Variants in USP40 observed in about 807,000 individuals in gnomAD.
USP40 encodes ubiquitin specific peptidase 40.
Under a neutral mutation model 166.2 loss-of-function variants are expected in USP40, and 143 were observed. That is an observed-to-expected ratio of 0.86 (90% CI 0.75 to 0.99). USP40 has a LOEUF of 0.99. Among genes scored for constraint, USP40 ranks in the 50% least tolerant of loss-of-function variants. The probability of loss-of-function intolerance (pLI) is 0.00; values close to 1 mark genes in which losing one functional copy is unlikely to be tolerated. For synonymous variants in USP40, 498 were observed against 524.0 expected (o/e 0.95, Z 0.68); for missense variants, 1,444 against 1,479.7 (o/e 0.98, Z 0.40).
At chr2:233,563,499 C>T (rs73123150) in intron 2 of USP40, among the ~76,000 whole-genome samples, 1,981 of 152,244 alleles carry the variant, frequency 0.013, 41 homozygotes, top group African/African-American at 0.045. Flanking sequence ...TATTGCTACC[C>T]TAGTGCTTAC....
At chr2:233,533,830 T>C (rs1004225191) in intron 10 of USP40, 51 bp from the exon 11 acceptor site, 1 of 1,437,936 alleles carries the variant, frequency 7.0e-7, no homozygotes, top group East Asian at 2.5e-5. Flanking sequence ...AAACAAAAAT[T>C]AGATGTGATT....
chr2:233,503,292 G>GAACAAGTTT (rs1202513837), intron 21 of USP40, among the ~76,000 whole-genome samples: 1 of 152,134 alleles, frequency 6.6e-6, no homozygotes, highest in African/African-American at 2.4e-5. Context: ...ACCATTAAAT[G>GAACAAGTTT]AACAAGTTTT....
At chr2:233,551,016 A>G (rs142050217) in intron 7 of USP40, among the ~76,000 whole-genome samples, 1 of 152,370 alleles carries the variant, frequency 6.6e-6, no homozygotes, top group African/African-American at 2.4e-5. Flanking sequence ...CTGGGAATAA[A>G]TCTATACTTT....
At position 233,566,713 on chromosome 2, in the gene USP40, A is replaced by C; in HGVS notation, c.-49T>G. The C allele has an allele frequency of 1.0e-6, 1 of 986,068 alleles. No individual in the cohort carries two copies. The highest frequency in any genetic ancestry group is 1.2e-6 in the Non-Finnish European group (1 of 830,064). 61.1% of individuals were successfully genotyped at this position (986,068 alleles called of 1,614,324 possible). The stretch of plus-strand genomic sequence containing the variant: ...TAAAGCCCAGACCCCCGCCCTGGCC[A>C]AAACGCGAAGCGAACGAACCCGCCC... On this transcript the variant is annotated 5_prime_UTR_variant, in exon 1 of 32. Transcript: ENST00000678225.
chr2:233,533,997 G>A (rs548114332), intron 10 of USP40, among the ~76,000 whole-genome samples: 1 of 152,184 alleles, frequency 6.6e-6, no homozygotes, highest in African/African-American at 2.4e-5. Flanking sequence ...CCAGGGAGGA[G>A]GTCGCTATGC....
chr2:233,489,468 G>A lies in USP40; in HGVS notation c.3028C>T (p.Pro1010Ser), dbSNP rs1444806190. The A allele has an allele frequency of 1.9e-6, 3 of 1,605,508 alleles. No homozygotes were observed. The highest frequency in any genetic ancestry group is 2.6e-6 in the Non-Finnish European group (3 of 1,176,012). The change falls in exon 27 of 32, where the codon CCT (proline) becomes TCT (serine). Residue 1010 changes from proline (P) to serine (S), a missense_variant. Transcript: ENST00000678225. ...GACGGGACACCGAACTCCAGGAAAG[G>A]AGGCAAGGTCATGGCCTAGAAAAAG... ...ELKSQAMTLP[P>S]FLEFGVPSPA...
At chr2:233,547,985 G>A (rs2070145708) in intron 8 of USP40, among the ~76,000 whole-genome samples, 1 of 152,008 alleles carries the variant, frequency 6.6e-6, no homozygotes, top group African/African-American at 2.4e-5. Context: ...ACAAAGCTAT[G>A]GAAATTGACA....
Position 233,476,582 on chromosome 2 carries a change from C to T in USP40, c.*810G>A, listed in dbSNP as rs2064190212. On this transcript the variant is annotated 3_prime_UTR_variant, in exon 32 of 32. Coordinates refer to ENST00000678225, the MANE Select transcript of USP40 (RefSeq NM_001365479.2). ...CCTGGGCTATGCCAGGCCTGTCTGC[C>T]ACAGCCCTGCCTGCCCCGCTTCCAC... 6.6e-6 allele frequency: 1 copy of T among 152,360 alleles called. No individual in the cohort carries two copies. The highest frequency in any genetic ancestry group is 1.5e-5 in the Non-Finnish European group (1 of 68,074). The allele number at this position is 152,360 out of a possible 1,614,324, so 9.4% of individuals were successfully genotyped here.
chr2:233,501,730 G>A (rs2066078753), intron 21 of USP40, among the ~76,000 whole-genome samples: 1 of 152,218 alleles, frequency 6.6e-6, no homozygotes, highest in Non-Finnish European at 1.5e-5. Flanking sequence ...AAAAAATGGA[G>A]TTGCCATTAA....
At chr2:233,562,920 G>A (rs2071784626) in intron 2 of USP40, 117 bp from the exon 3 acceptor site, 1 of 698,586 alleles carries the variant, frequency 1.4e-6, no homozygotes, top group Non-Finnish European at 2.2e-6. Context: ...TATGATTGTG[G>A]CAATATTTAT....
At chr2:233,536,159 T>C (rs2068919593) in intron 10 of USP40, among the ~76,000 whole-genome samples, 1 of 152,094 alleles carries the variant, frequency 6.6e-6, no homozygotes, top group South Asian at 2.1e-4. Flanking sequence ...TCAGAATTAA[T>C]CTAGCTACTA....
intron 27 of USP40, among the ~76,000 whole-genome samples, chr2:233,488,719 GACT>G (rs759254283): frequency 6.6e-6 from 1 of 152,160 alleles, no homozygotes; most frequent in Non-Finnish European, 1.5e-5. Flanking sequence ...TTCGCGACCA[GACT>G]GGGCAACATA....
intron 30 of USP40, among the ~76,000 whole-genome samples, chr2:233,482,854 G>C (rs958735259): frequency 2.0e-5 from 3 of 152,162 alleles, no homozygotes; most frequent in African/African-American, 7.2e-5. Flanking sequence ...GAGTTCCCAC[G>C]GTCTCACTAG....
chr2:233,507,718 T>TCAACAGGTACAAAGTTA (rs973411412), intron 21 of USP40, among the ~76,000 whole-genome samples: 4 of 151,700 alleles, frequency 2.6e-5, no homozygotes, highest in African/African-American at 9.7e-5. Flanking sequence ...GAGAGGGTGG[T>TCAACAGGTACAAAGTTA]CAACAGGTAC....
At chr2:233,552,830 C>T (rs2070700034) in intron 6 of USP40, among the ~76,000 whole-genome samples, 1 of 152,166 alleles carries the variant, frequency 6.6e-6, no homozygotes, top group African/African-American at 2.4e-5. Context: ...AATCAATGCT[C>T]ATTTTATTTG....
At chr2:233,521,972 C>G (rs1159953623) in intron 16 of USP40, among the ~76,000 whole-genome samples, 3 of 152,142 alleles carry the variant, frequency 2.0e-5, no homozygotes, top group African/African-American at 7.2e-5. Flanking sequence ...ATGAAGTTGG[C>G]ACTAGTTATT....
At chr2:233,521,146 T>G (rs373560963) in intron 16 of USP40, 32 bp from the exon 17 acceptor site, 268 of 1,590,466 alleles carry the variant, frequency 1.7e-4, no homozygotes, top group Non-Finnish European at 2.2e-4. Context: ...CAGAAATTAA[T>G]ACCTTTCCTT....
chr2:233,542,665 G>T, intron 8 of USP40: 1 of 214,022 alleles, frequency 4.7e-6, no homozygotes, highest in Non-Finnish European at 9.1e-6. Flanking sequence ...ATGACACAGA[G>T]CAAGACGTTG....
rs369513307 is a variant in USP40, at chr2:233,485,576, T to A, written c.3459A>T (p.Gln1153His). ...CGTCTTTCAAGTAATACGGTGCCCC[T>A]TGCAAATAATCTTGTTTTTTTTTCT... Reference protein sequence around the residue: ...RKKKKKQDYLQGAPYYLKDGD... With the variant: ...RKKKKKQDYLHGAPYYLKDGD... The change falls in exon 30 of 32, where the codon CAA (glutamine) becomes CAT (histidine). Residue 1153 changes from glutamine to histidine, a missense_variant. Gln to His is a conservative substitution (Grantham distance 24, BLOSUM62 0). Transcript: ENST00000678225. 1.3e-5 allele frequency: 21 copies of A among 1,613,864 alleles called. No homozygotes were observed. The African/African-American group carries it at 2.5e-4, about 19-fold the overall frequency.
Sources: gnomAD v4.1 joint callset for allele counts (sites outside exome capture counted in the v4.1 genomes callset) on GRCh38, gnomAD v4.1.1 for gene constraint, MANE v1.5 for transcripts, NCBI Gene and HGNC (gene_info 2026-07-23, HGNC 2026-07-21) for gene names.